KIF13A: variants seen among roughly 807,000 people sequenced by gnomAD.
The protein encoded by KIF13A is kinesin family member 13A.
A neutral mutation model predicts 212.2 loss-of-function variants in KIF13A; 79 were observed. That is an observed-to-expected ratio of 0.37 (90% CI 0.31 to 0.45). The LOEUF is 0.45. Ranked by LOEUF, KIF13A falls within the 20% of genes least tolerant of loss-of-function variation. The pLI is 1.00. For missense variants in KIF13A, 1,901 were observed against 2,209.0 expected, an observed-to-expected ratio of 0.86 and a Z score of 2.79; for synonymous variants, 789 against 808.6, an observed-to-expected ratio of 0.98 and a Z score of 0.41.
At chr6:17,824,769 A>C (rs1764806079) in intron 16 of KIF13A, among the ~76,000 whole-genome samples, 1 of 147,078 alleles carries the variant, frequency 6.8e-6, no homozygotes, top group Admixed American at 6.8e-5. Flanking sequence ...TCAAAAAAAA[A>C]AAAAAAAAAA....
intron 2 of KIF13A, among the ~76,000 whole-genome samples, chr6:17,979,161 T>TGCA (rs1179255434): frequency 3.3e-5 from 5 of 152,092 alleles, no homozygotes; most frequent in Admixed American, 3.3e-4. Context: ...GGCGTGGTGG[T>TGCA]GCACACCTGT....
In KIF13A at chr6:17,772,137, G is replaced by A. The variant is rs1759550815; in HGVS notation, c.4325-78C>T. The A allele has an allele frequency of 1.5e-6, 2 of 1,338,226 alleles. No individual in the cohort carries two copies. Among genetic ancestry groups the A allele is most frequent in the Non-Finnish European group, 2.1e-6 (2 of 950,970 alleles). 82.9% of individuals were successfully genotyped at this position (1,338,226 alleles called of 1,614,324 possible). On this transcript the variant is annotated intron_variant, in intron 36 of 38. Transcript: ENST00000259711. The surrounding 1 kb of genome is among the most constrained non-coding windows in gnomAD (Gnocchi z 4.8). Reference sequence around the variant, plus strand: ...ACATAGGAACTGAGACAATGACCCAGCCATGGGAATATCTGGGAGAACAAT... The same window carrying A: ...ACATAGGAACTGAGACAATGACCCAACCATGGGAATATCTGGGAGAACAAT...
At position 17,934,463 on chromosome 6, in the gene KIF13A, A is replaced by G. The variant is rs574771938; in HGVS notation, c.147-36283T>C. Among the ~76,000 whole-genome samples, 222 of 152,258 alleles carry G rather than the reference A, an allele frequency of 1.5e-3. No individual in the cohort carries two copies. The highest frequency in any genetic ancestry group is 3.7e-3 in the Admixed American group (56 of 15,300). On this transcript the variant is annotated intron_variant, in intron 2 of 38. Coordinates refer to ENST00000259711, the MANE Select transcript of KIF13A (RefSeq NM_022113.6). The surrounding 1 kb of genome is among the most constrained non-coding windows in gnomAD (Gnocchi z 5.4). Reference sequence around the variant, plus strand: ...CAGCAGGTAGTATTCTAAAATCATAAATACAGAATCCCCAATAATATCATA... The same window carrying G: ...CAGCAGGTAGTATTCTAAAATCATAGATACAGAATCCCCAATAATATCATA...
chr6:17,946,747 A>G (rs1047058602), intron 2 of KIF13A, among the ~76,000 whole-genome samples: 8 of 152,204 alleles, frequency 5.3e-5, no homozygotes, highest in Non-Finnish European at 4.4e-5. Flanking sequence ...AGCAATCCAA[A>G]TGTTCATAGC....
rs147944140 is a variant in KIF13A at position 17,975,512 on chromosome 6, G to A, written c.146+11542C>T. 3.0e-4 allele frequency among the ~76,000 whole-genome samples: 46 copies of A among 152,256 alleles called. 2 individuals are homozygous for A. The highest frequency in any genetic ancestry group is 1.1e-3 in the African/African-American group (44 of 41,532). On this transcript the variant is annotated intron_variant, in intron 2 of 38. Transcript: ENST00000259711. The stretch of plus-strand genomic sequence containing the variant: ...TATAAAGACAATGTAGGCCCAAAAA[G>A]GGAGCAGCAACATAATTCATTGCAA...
chr6:17,935,476 G>A (rs963161662), intron 2 of KIF13A, among the ~76,000 whole-genome samples: 4 of 152,172 alleles, frequency 2.6e-5, no homozygotes, highest in Non-Finnish European at 5.9e-5. Context: ...CAAGTGATCA[G>A]AAGCTCAGTT....
Position 17,897,267 on chromosome 6 carries a change from C to T in KIF13A, c.159+901G>A, listed in dbSNP as rs1404778063. On this transcript the variant is annotated intron_variant, in intron 3 of 38. Coordinates refer to ENST00000259711, the MANE Select transcript of KIF13A (RefSeq NM_022113.6). The surrounding 1 kb of genome is among the most constrained non-coding windows in gnomAD (Gnocchi z 4.8). Reference sequence around the variant, plus strand: ...GCTTTGTCTTTTCTGGATTCCATGCCGTCACCCAACTTGTCTTAGATTCTG... The same window carrying T: ...GCTTTGTCTTTTCTGGATTCCATGCTGTCACCCAACTTGTCTTAGATTCTG... Among the ~76,000 whole-genome samples, 4 of 152,206 alleles carry T rather than the reference C, an allele frequency of 2.6e-5. No homozygotes were observed. The highest frequency in any genetic ancestry group is 6.5e-5 in the Admixed American group (1 of 15,290).
rs1688497992 is a variant in KIF13A, at chr6:17,982,477, G to T, written c.146+4577C>A. ...GAATAAACTAAAAAATACATACAAA[G>T]TTTAGTAAGAGGAAGCTTTCTTCAA... is the stretch of plus-strand genomic sequence containing the variant. On this transcript the variant is annotated intron_variant, in intron 2 of 38. Transcript: ENST00000259711. This position sits in a 1 kb window ranked among gnomAD's most constrained non-coding sequence, Gnocchi z 5.1. The T allele has an allele frequency of 1.0e-6, 1 of 972,970 alleles. No homozygotes were observed. The highest frequency in any genetic ancestry group is 1.8e-5 in the African/African-American group (1 of 56,938). The allele number at this position is 972,970 out of a possible 1,614,324, so 60.3% of individuals were successfully genotyped here.
intron 2 of KIF13A, among the ~76,000 whole-genome samples, chr6:17,972,896 G>C (rs1779940341): frequency 6.6e-6 from 1 of 150,966 alleles, no homozygotes; most frequent in African/African-American, 2.4e-5. Flanking sequence ...TACAAACAGA[G>C]GTTTCCCTCA....
At chr6:17,933,507 G>A (rs1383561281) in intron 2 of KIF13A, among the ~76,000 whole-genome samples, 2 of 148,714 alleles carry the variant, frequency 1.3e-5, no homozygotes, top group African/African-American at 4.9e-5. Context: ...GCCTCCCAAA[G>A]TGCTGGGATT....
chr6:17,906,730 C>T (rs899411231), intron 2 of KIF13A, among the ~76,000 whole-genome samples: 5 of 152,088 alleles, frequency 3.3e-5, no homozygotes, highest in East Asian at 1.9e-4. Context: ...TGAGATTACA[C>T]GCATTAGCTA....
rs1176162636 is a variant in KIF13A, at chr6:17,886,544, T to G, written c.159+11624A>C. On this transcript the variant is annotated intron_variant, in intron 3 of 38. Transcript: ENST00000259711. The surrounding 1 kb of genome is among the most constrained non-coding windows in gnomAD (Gnocchi z 5.6). ...CACCAAGAGACAAGGGAGATGGATATCTTTTCTTCCTGGGGCCTATACTCC... is the reference window on the plus strand; with the variant it reads ...CACCAAGAGACAAGGGAGATGGATAGCTTTTCTTCCTGGGGCCTATACTCC... 6.6e-6 allele frequency among the ~76,000 whole-genome samples: 1 copy of G among 152,158 alleles called. No homozygotes were observed. Among genetic ancestry groups the G allele is most frequent in the Non-Finnish European group, 1.5e-5 (1 of 68,030 alleles).
At chr6:17,950,756 C>A in intron 2 of KIF13A, 1 of 980,558 alleles carries the variant, frequency 1.0e-6, no homozygotes, top group South Asian at 4.7e-5. Flanking sequence ...TTAGAAATAA[C>A]CCTTATCCAC....
At chr6:17,950,566 G>A in intron 2 of KIF13A, 1 of 985,092 alleles carries the variant, frequency 1.0e-6, no homozygotes, top group Non-Finnish European at 1.2e-6. Flanking sequence ...TTGGATGAAT[G>A]CCCCACAGGA....
chr6:17,772,983 T>TA lies in KIF13A; in HGVS notation c.4324+494dup, dbSNP rs1270039035. 6.6e-6 allele frequency among the ~76,000 whole-genome samples: 1 copy of TA among 152,224 alleles called. No homozygotes were observed. The highest frequency in any genetic ancestry group is 2.4e-5 in the African/African-American group (1 of 41,464). On this transcript the variant is annotated intron_variant, in intron 36 of 38. Coordinates refer to ENST00000259711, the MANE Select transcript of KIF13A (RefSeq NM_022113.6). This position sits in a 1 kb window ranked among gnomAD's most constrained non-coding sequence, Gnocchi z 4.8. ...ATAAGGTATAAGGTAACAGAACCGA[T>TA]ATATATGGCCAAAGAATACTGTTCC...
chr6:17,896,194 G>T (rs187255822), intron 3 of KIF13A, among the ~76,000 whole-genome samples: 29 of 152,122 alleles, frequency 1.9e-4, no homozygotes, highest in African/African-American at 6.5e-4. Flanking sequence ...GCATATAAGT[G>T]GACCTGGGCA....
At chr6:17,793,002 G>A (rs894655827) in intron 25 of KIF13A, among the ~76,000 whole-genome samples, 1 of 152,168 alleles carries the variant, frequency 6.6e-6, no homozygotes, top group African/African-American at 2.4e-5. Flanking sequence ...ATTCTTCCCA[G>A]TTCCTAATTC....
intron 2 of KIF13A, among the ~76,000 whole-genome samples, chr6:17,930,677 T>A (rs1336081978): frequency 6.6e-6 from 1 of 152,154 alleles, no homozygotes; most frequent in Non-Finnish European, 1.5e-5. Context: ...GGGAGTTAAG[T>A]AAGTTTCCAC....
At chr6:17,820,724 C>T (rs555892540) in intron 16 of KIF13A, among the ~76,000 whole-genome samples, 3 of 152,234 alleles carry the variant, frequency 2.0e-5, no homozygotes, top group African/African-American at 4.8e-5. Flanking sequence ...GAAAGGACCA[C>T]GTTTACTTTG....
Sources: allele counts gnomAD v4.1 joint callset (sites outside exome capture counted in the v4.1 genomes callset), GRCh38; gene constraint gnomAD v4.1.1; non-coding constraint Gnocchi (gnomAD v3.1); transcripts MANE v1.5; gene names NCBI Gene and HGNC (gene_info 2026-07-23, HGNC 2026-07-21).